The following MET variants were observed in gnomAD, a reference collection of about 807,000 sequenced individuals.
MET encodes hepatocyte growth factor receptor.
Under a neutral mutation model 133.1 loss-of-function variants are expected in MET, and 48 were observed. The ratio of observed to expected loss-of-function variants is 0.36; its 90% CI spans 0.29 to 0.46. The LOEUF is 0.46. Among genes scored for constraint, MET ranks in the 20% least tolerant of loss-of-function variants. The probability of loss-of-function intolerance (pLI) is 1.00; values close to 1 mark genes in which losing one functional copy is unlikely to be tolerated. For missense variants in MET, 1,442 were observed against 1,695.9 expected (o/e 0.85, Z 2.63); for synonymous variants, 628 against 616.5 (o/e 1.02, Z -0.28).
Position 116,797,402 on chromosome 7 carries a change from T to C in MET, c.*1278T>C. ...TGGAAACAAAACTTTTGGGGAGTTT[T>C]ATTTTGCATTAGGGTGTGTTTTATG... On this transcript the variant is annotated 3_prime_UTR_variant, in exon 21 of 21. Coordinates refer to ENST00000397752, the MANE Select transcript of MET (RefSeq NM_000245.4). The C allele has an allele frequency of 4.4e-6, 1 of 228,672 alleles. No homozygotes were observed. Among genetic ancestry groups the C allele is most frequent in the Non-Finnish European group, 8.7e-6 (1 of 115,020 alleles). 14.2% of individuals were successfully genotyped at this position (228,672 alleles called of 1,614,324 possible).
chr7:116,798,035 T>C lies in MET; in HGVS notation c.*1911T>C, dbSNP rs1009826853. ...TAAGTAATACTAATTCACAGAGTAT[T>C]GTAAATGGTGGATGACAAAAGAAAA... On this transcript the variant is annotated 3_prime_UTR_variant, in exon 21 of 21. Coordinates refer to ENST00000397752, the MANE Select transcript of MET (RefSeq NM_000245.4). 9.0e-6 allele frequency: 2 copies of C among 221,336 alleles called. No homozygotes were observed. The highest frequency in any genetic ancestry group is 1.8e-5 in the Non-Finnish European group (2 of 110,378). 13.7% of individuals were successfully genotyped at this position (221,336 alleles called of 1,614,324 possible).
At chr7:116,692,378 G>A (rs1796806629) in intron 1 of MET, among the ~76,000 whole-genome samples, 1 of 152,214 alleles carries the variant, frequency 6.6e-6, no homozygotes, top group Non-Finnish European at 1.5e-5. Flanking sequence ...TCTCTCTTAA[G>A]AAGAAACTTA....
intron 1 of MET, among the ~76,000 whole-genome samples, chr7:116,686,598 A>C (rs970241068): frequency 1.3e-5 from 2 of 152,256 alleles, no homozygotes; most frequent in Non-Finnish European, 2.9e-5. Context: ...CATCTGATGC[A>C]TAGTAGGACC....
rs943315087 is a variant in MET, at chr7:116,745,004, T to C, written c.1701+3979T>C. ...AAGTCAAATTGTCCCTGTTTGCAGA[T>C]GACATGATTGTATATTTAGAAAACT... On this transcript the variant is annotated intron_variant, in intron 5 of 20. Coordinates refer to ENST00000397752, the MANE Select transcript of MET (RefSeq NM_000245.4). Among the ~76,000 whole-genome samples the C allele has an allele frequency of 3.3e-5, 5 of 152,212 alleles. No individual in the cohort carries two copies. In the East Asian group the frequency reaches 7.7e-4, roughly 23 times the overall value.
chr7:116,786,885 T>A (rs1217459359), intron 19 of MET, among the ~76,000 whole-genome samples: 2 of 152,126 alleles, frequency 1.3e-5, no homozygotes, highest in Non-Finnish European at 2.9e-5. Flanking sequence ...CAAGAAGTCA[T>A]CTCATCCACC....
chr7:116,746,417 G>T (rs887057655), intron 5 of MET, among the ~76,000 whole-genome samples: 4 of 152,154 alleles, frequency 2.6e-5, no homozygotes, highest in Non-Finnish European at 4.4e-5. Flanking sequence ...TGACCCAGCT[G>T]TCCCATTACT....
chr7:116,714,138 G>A (rs916698951), intron 2 of MET, among the ~76,000 whole-genome samples: 1 of 152,146 alleles, frequency 6.6e-6, no homozygotes, highest in Non-Finnish European at 1.5e-5. Context: ...TATGAAGGCT[G>A]CTAACCAAAA....
Position 116,757,594 on chromosome 7 carries a change from T to C in MET, c.1966-44T>C, listed in dbSNP as rs774952015. 6 of 1,613,310 alleles carry C rather than the reference T, an allele frequency of 3.7e-6. No individual in the cohort carries two copies. The African/African-American group carries it at 6.7e-5, about 18-fold the overall frequency. On this transcript the variant is annotated intron_variant, in intron 7 of 20. Transcript: ENST00000397752. ...ATTTTTACTTAATCTATTTAAATTA[T>C]AAGATGAACAAGTTACTTTGTTTTG...
At chr7:116,770,367 C>T (rs1297858282) in intron 12 of MET, among the ~76,000 whole-genome samples, 1 of 152,056 alleles carries the variant, frequency 6.6e-6, no homozygotes, top group Non-Finnish European at 1.5e-5. Context: ...GTGCACAGTT[C>T]AATGGGTTTC....
At chr7:116,737,079 T>G (rs2116812539) in intron 3 of MET, among the ~76,000 whole-genome samples, 1 of 152,370 alleles carries the variant, frequency 6.6e-6, no homozygotes, top group African/African-American at 2.4e-5. Context: ...AACGGGCTAA[T>G]GATCAACTAA....
chr7:116,769,902 A>G (rs764421234), intron 12 of MET, 111 bp downstream of exon 12: 2 of 1,456,076 alleles, frequency 1.4e-6, no homozygotes, highest in Non-Finnish European at 9.5e-7. Context: ...GTTTTGGCTC[A>G]TCAACTCAGC....
intron 2 of MET, chr7:116,724,265 C>T (rs1014838425): frequency 1.2e-5 from 2 of 170,452 alleles, no homozygotes; most frequent in African/African-American, 4.8e-5. Flanking sequence ...TCTGTCACCC[C>T]TTTCTTTGAT....
At chr7:116,752,919 G>C (rs1038856847) in intron 5 of MET, among the ~76,000 whole-genome samples, 2 of 152,150 alleles carry the variant, frequency 1.3e-5, no homozygotes, top group African/African-American at 4.8e-5. Context: ...ACTGCCTCAG[G>C]CTGAAGAGAG....
intron 12 of MET, 186 bp downstream of exon 12, chr7:116,769,977 C>T (rs2116985905): frequency 1.2e-6 from 1 of 821,144 alleles, no homozygotes; most frequent in South Asian, 1.6e-5. Flanking sequence ...TTCCCCAAGC[C>T]TGGGAGGTAG....
rs201975130 is a variant in MET, at chr7:116,755,392, G to A, written c.1739G>A (p.Arg580Lys). Residue 580 changes from arginine to lysine, a missense_variant, in exon 6 of 21, where the codon AGG (arginine) becomes AAG (lysine). This residue lies in a region of MET where 762 missense variants were observed against 792.4 expected (regional missense o/e 0.96). Transcript: ENST00000397752. Reference sequence around the variant, plus strand: ...AGTGCACCCCTTGAAGGAGGGACAAGGCTGACCATATGTGGCTGGGACTTT... The same window carrying A: ...AGTGCACCCCTTGAAGGAGGGACAAAGCTGACCATATGTGGCTGGGACTTT... Reference protein sequence around the residue: ...PNSAPLEGGTRLTICGWDFGF... With the variant: ...PNSAPLEGGTKLTICGWDFGF... 1.2e-6 allele frequency: 2 copies of A among 1,613,956 alleles called. No homozygotes were observed. Among genetic ancestry groups the A allele is most frequent in the Non-Finnish European group, 8.5e-7 (1 of 1,180,006 alleles).
chr7:116,791,952 T>C (rs193687), intron 19 of MET, among the ~76,000 whole-genome samples: 146,784 of 152,368 alleles, frequency 0.96, 70,750 homozygotes, highest in East Asian at 1. Context: ...CCGGTGACAC[T>C]TGGCCCACAA....
Position 116,758,508 on chromosome 7 carries a change from A to C in MET, c.2152A>C (p.Thr718Pro), listed in dbSNP as rs1794275099. The part of the protein sequence containing the change: ...ECYTPAQTIS[T>P]EFAVKLKIDL... ...TTATACCCCAGCCCAAACCATTTCAACTGAGTTTGCTGTTAAATTGAAAAT... is the reference window on the plus strand; with the variant it reads ...TTATACCCCAGCCCAAACCATTTCACCTGAGTTTGCTGTTAAATTGAAAAT... Residue 718 changes from threonine to proline, a missense_variant, in exon 9 of 21, where the codon ACT becomes CCT. Around this residue, in one of 6 missense-constraint regions of MET, gnomAD observed 514 missense variants for 659.6 expected, o/e 0.78. Coordinates refer to ENST00000397752, the MANE Select transcript of MET (RefSeq NM_000245.4). 6.2e-7 allele frequency: 1 copy of C among 1,613,842 alleles called. No homozygotes were observed. Among genetic ancestry groups the C allele is most frequent in the Non-Finnish European group, 8.5e-7 (1 of 1,179,898 alleles).
intron 5 of MET, among the ~76,000 whole-genome samples, chr7:116,751,580 G>T (rs751389705): frequency 6.6e-6 from 1 of 152,156 alleles, no homozygotes; most frequent in Non-Finnish European, 1.5e-5. Context: ...CAAGGTACAT[G>T]ATGTTCAGTG....
chr7:116,741,067 G>GTTTTTTTTTTTTTTTTTGTTTGGTTT, intron 5 of MET, 42 bp downstream of exon 5: 1 of 1,348,786 alleles, frequency 7.4e-7, no homozygotes, highest in Admixed American at 2.2e-5. Context: ...TTTGTTTGGT[G>GTTTTTTTTTTTTTTTTTGTTTGGTTT]TTTTTTTTTT....
Sources: gnomAD v4.1 joint callset for allele counts (sites outside exome capture counted in the v4.1 genomes callset) on GRCh38, gnomAD v4.1.1 for gene constraint, gnomAD v4.1.1 regional missense constraint, MANE v1.5 for transcripts, NCBI Gene and HGNC (gene_info 2026-07-23, HGNC 2026-07-21) for gene names.